The following SDK1 variants were observed in gnomAD, a reference collection of about 807,000 sequenced individuals.
The protein encoded by SDK1 is protein sidekick-1.
A neutral mutation model predicts 245.5 loss-of-function variants in SDK1; 157 were observed. The observed-to-expected ratio is 0.64, with a 90% CI of 0.56 to 0.73. The LOEUF is 0.73. Ranked by LOEUF, SDK1 falls within the 30% of genes least tolerant of loss-of-function variation. SDK1 has a pLI of 0.00. For missense variants in SDK1, 3,583 were observed against 3,002.3 expected (o/e 1.19, Z -4.52); for synonymous variants, 1,647 against 1,278.5 (o/e 1.29, Z -6.15).
chr7:4,247,753 G>A (rs527847203), intron 44 of SDK1, among the ~76,000 whole-genome samples: 1 of 152,218 alleles, frequency 6.6e-6, no homozygotes. Context: ...CTCCTCTGCT[G>A]CCCACCCCAG....
At chr7:4,033,206 A>T (rs35750587) in intron 17 of SDK1, among the ~76,000 whole-genome samples, 37,142 of 152,004 alleles carry the variant, frequency 0.24, 6,425 homozygotes, top group African/African-American at 0.5. Flanking sequence ...TGAATAACTG[A>T]ATAAAATAGA....
intron 5 of SDK1, among the ~76,000 whole-genome samples, chr7:3,832,170 A>G (rs1256311421): frequency 1.3e-5 from 2 of 152,242 alleles, no homozygotes; most frequent in East Asian, 1.9e-4. Context: ...CAAAGCAACA[A>G]GTTACTTTCA....
intron 19 of SDK1, among the ~76,000 whole-genome samples, chr7:4,060,966 A>G (rs1275784075): frequency 6.6e-6 from 1 of 152,002 alleles, no homozygotes; most frequent in Non-Finnish European, 1.5e-5. Context: ...ATGTGGTGTT[A>G]TTTCAGAGGG....
At chr7:3,624,545 C>G (rs1376798315) in intron 2 of SDK1, among the ~76,000 whole-genome samples, 1 of 152,072 alleles carries the variant, frequency 6.6e-6, no homozygotes, top group Non-Finnish European at 1.5e-5. Context: ...GGGGAAGTAA[C>G]TGATGAAGTT....
intron 11 of SDK1, among the ~76,000 whole-genome samples, chr7:3,970,433 A>G (rs1242740077): frequency 6.6e-6 from 1 of 152,194 alleles, no homozygotes; most frequent in Non-Finnish European, 1.5e-5. Context: ...CATTTGGTGG[A>G]TGACTCTGTC....
chr7:4,233,008 C>T (rs1222729010), intron 40 of SDK1: 1 of 414,546 alleles, frequency 2.4e-6, no homozygotes, highest in Non-Finnish European at 4.4e-6. Flanking sequence ...CCACTATGAC[C>T]ATTTCAAGTG....
chr7:3,572,454 G>A (rs1162358688), intron 1 of SDK1, among the ~76,000 whole-genome samples: 2 of 151,954 alleles, frequency 1.3e-5, no homozygotes, highest in Non-Finnish European at 2.9e-5. Flanking sequence ...ACTTCTGACT[G>A]GGGAATTTCC....
chr7:3,767,234 C>G (rs1780279826), intron 4 of SDK1, among the ~76,000 whole-genome samples: 4 of 152,104 alleles, frequency 2.6e-5, no homozygotes, highest in Admixed American at 2.6e-4. Context: ...AGTCAGAAGA[C>G]CACTCGTGGC....
intron 4 of SDK1, among the ~76,000 whole-genome samples, chr7:3,767,943 A>G (rs1473907906): frequency 2.0e-5 from 3 of 152,210 alleles, no homozygotes; most frequent in Admixed American, 1.3e-4. Context: ...ATCTTAAGCC[A>G]TTTACTTTAC....
At chr7:3,420,785 C>G (rs1562476718) in intron 1 of SDK1, among the ~76,000 whole-genome samples, 1 of 152,142 alleles carries the variant, frequency 6.6e-6, no homozygotes, top group South Asian at 2.1e-4. Flanking sequence ...GATACATGGG[C>G]AGGGTGTGCA....
chr7:3,828,786 G>C (rs951462577), intron 5 of SDK1, among the ~76,000 whole-genome samples: 1 of 151,414 alleles, frequency 6.6e-6, no homozygotes, highest in African/African-American at 2.4e-5. Flanking sequence ...TGAGTAGCTG[G>C]GACTACAGGC....
intron 5 of SDK1, among the ~76,000 whole-genome samples, chr7:3,929,072 A>G (rs1032964359): frequency 1.3e-5 from 2 of 152,242 alleles, no homozygotes; most frequent in Non-Finnish European, 2.9e-5. Flanking sequence ...TCAACTCTAG[A>G]TGGAGAGGAA....
chr7:3,384,794 A>T (rs996250461), intron 1 of SDK1, among the ~76,000 whole-genome samples: 2 of 152,232 alleles, frequency 1.3e-5, no homozygotes, highest in African/African-American at 2.4e-5. Context: ...TGAAGCGTAT[A>T]TGCACACTTA....
chr7:3,503,828 T>C (rs1782297977), intron 1 of SDK1, among the ~76,000 whole-genome samples: 1 of 152,056 alleles, frequency 6.6e-6, no homozygotes, highest in African/African-American at 2.4e-5. Flanking sequence ...GTGATGTGTT[T>C]ATGGATTGGA....
intron 1 of SDK1, among the ~76,000 whole-genome samples, chr7:3,440,786 CA>C (rs1404787473): frequency 1.3e-5 from 2 of 152,160 alleles, no homozygotes; most frequent in Non-Finnish European, 2.9e-5. Flanking sequence ...CTTGCTGTTG[CA>C]CCTCAAACTG....
chr7:3,589,060 C>T (rs999191373), intron 1 of SDK1, among the ~76,000 whole-genome samples: 4 of 152,218 alleles, frequency 2.6e-5, no homozygotes, highest in East Asian at 1.9e-4. Context: ...AGCTGTTTTA[C>T]GGACATCAAG....
chr7:3,691,063 A>G (rs1278068626), intron 4 of SDK1, among the ~76,000 whole-genome samples: 3 of 152,222 alleles, frequency 2.0e-5, no homozygotes, highest in African/African-American at 7.2e-5. Flanking sequence ...AACTTATTAG[A>G]GAAAAATACT....
intron 13 of SDK1, among the ~76,000 whole-genome samples, chr7:3,979,522 C>T (rs1783232171): frequency 6.6e-6 from 1 of 152,102 alleles, no homozygotes; most frequent in Non-Finnish European, 1.5e-5. Flanking sequence ...CTGGGTAAGC[C>T]TCACTCCACC....
intron 1 of SDK1, among the ~76,000 whole-genome samples, chr7:3,494,511 G>A (rs777119877): frequency 7.2e-5 from 11 of 152,274 alleles, no homozygotes; most frequent in Admixed American, 2.0e-4. Context: ...CATTTTCTGA[G>A]AAATAGATAT....
Sources: allele counts gnomAD v4.1 joint callset (sites outside exome capture counted in the v4.1 genomes callset), GRCh38; gene constraint gnomAD v4.1.1; transcripts MANE v1.5; gene names NCBI Gene and HGNC (gene_info 2026-07-23, HGNC 2026-07-21).